FHOD3: variants seen among roughly 807,000 people sequenced by gnomAD.
FHOD3 encodes the protein FH1/FH2 domain-containing protein 3.
FHOD3 carries 90 observed loss-of-function variants against 173.0 expected under a neutral mutation model. The ratio of observed to expected loss-of-function variants is 0.52; its 90% CI spans 0.44 to 0.62. FHOD3 has a LOEUF of 0.62. FHOD3 is among the 20% of genes least tolerant of loss of function. The pLI is 0.00. For synonymous variants in FHOD3, 828 were observed against 823.0 expected, an observed-to-expected ratio of 1.01 and a Z score of -0.10; for missense variants, 1,945 against 2,034.7, an observed-to-expected ratio of 0.96 and a Z score of 0.85.
intron 21 of FHOD3, among the ~76,000 whole-genome samples, chr18:36,742,356 C>T (rs1054736998): frequency 2.0e-4 from 30 of 152,192 alleles, no homozygotes; most frequent in African/African-American, 7.0e-4. Context: ...GCACAACTTT[C>T]ATTGCCAATC....
intron 1 of FHOD3, among the ~76,000 whole-genome samples, chr18:36,316,874 C>A (rs1472720606): frequency 6.6e-6 from 1 of 150,650 alleles, no homozygotes; most frequent in African/African-American, 2.5e-5. Flanking sequence ...CCTCCCACAG[C>A]CCCCCCACCC....
intron 14 of FHOD3, among the ~76,000 whole-genome samples, chr18:36,679,828 A>C (rs1265985977): frequency 2.6e-5 from 4 of 152,164 alleles, no homozygotes; most frequent in Non-Finnish European, 5.9e-5. Flanking sequence ...TAGTCCTTAT[A>C]TATTTGAAAG....
chr18:36,733,593 G>T (rs534935427), intron 20 of FHOD3, among the ~76,000 whole-genome samples: 5 of 152,154 alleles, frequency 3.3e-5, no homozygotes, highest in Admixed American at 3.3e-4. Context: ...GAAAGTTTCA[G>T]ATACAATAAG....
chr18:36,766,464 C>T (rs1173770095), intron 27 of FHOD3, among the ~76,000 whole-genome samples: 3 of 152,280 alleles, frequency 2.0e-5, no homozygotes, highest in African/African-American at 4.8e-5. Flanking sequence ...AAATGTCTTG[C>T]TAACACTTAC....
intron 1 of FHOD3, among the ~76,000 whole-genome samples, chr18:36,320,910 T>G (rs1456223070): frequency 6.6e-6 from 1 of 152,138 alleles, no homozygotes; most frequent in Admixed American, 6.6e-5. Context: ...GGAGCTTAGG[T>G]TGAAGTGGGA....
chr18:36,662,104 C>T (rs2036850356), intron 14 of FHOD3, among the ~76,000 whole-genome samples: 1 of 152,168 alleles, frequency 6.6e-6, no homozygotes, highest in East Asian at 1.9e-4. Flanking sequence ...AACAAACAAG[C>T]AAACAACCAC....
At chr18:36,638,486 G>A (rs2035047506) in intron 10 of FHOD3, among the ~76,000 whole-genome samples, 1 of 152,174 alleles carries the variant, frequency 6.6e-6, no homozygotes, top group South Asian at 2.1e-4. Flanking sequence ...CATTTGAAAA[G>A]CTGCCTATCT....
chr18:36,763,014 C>T (rs1053242318), intron 27 of FHOD3, among the ~76,000 whole-genome samples: 2 of 132,174 alleles, frequency 1.5e-5, no homozygotes, highest in East Asian at 2.0e-4. Context: ...GTTATATATG[C>T]GTATTATACA....
At chr18:36,679,288 G>C (rs1038773180) in intron 14 of FHOD3, among the ~76,000 whole-genome samples, 17 of 151,782 alleles carry the variant, frequency 1.1e-4, no homozygotes, top group African/African-American at 4.1e-4. Flanking sequence ...GCTCATTTAT[G>C]GCCCTTTTTC....
intron 21 of FHOD3, 31 bp from the exon 22 acceptor site, chr18:36,742,706 C>G (rs778129408): frequency 1.3e-6 from 2 of 1,599,340 alleles, no homozygotes; most frequent in Non-Finnish European, 1.7e-6. Context: ...ATTGTACACT[C>G]TTTATTGTCT....
intron 1 of FHOD3, among the ~76,000 whole-genome samples, chr18:36,315,427 T>C (rs1321678456): frequency 1.3e-5 from 2 of 152,122 alleles, no homozygotes; most frequent in South Asian, 4.1e-4. Context: ...CCCTCTGATA[T>C]GACACCCTCA....
At chr18:36,554,745 T>C in intron 5 of FHOD3, among the ~76,000 whole-genome samples, 1 of 152,354 alleles carries the variant, frequency 6.6e-6, no homozygotes, top group Middle Eastern at 3.4e-3. Context: ...AACTGCAAAT[T>C]CTATTTCTTT....
At chr18:36,740,872 C>A in intron 21 of FHOD3, 34 bp downstream of exon 21, 1 of 1,585,924 alleles carries the variant, frequency 6.3e-7, no homozygotes, top group Non-Finnish European at 8.6e-7. Flanking sequence ...GCTGATCCCA[C>A]ATCCACAGTG....
chr18:36,448,000 A>G (rs1042136436), intron 3 of FHOD3, among the ~76,000 whole-genome samples: 2 of 152,204 alleles, frequency 1.3e-5, no homozygotes, highest in Admixed American at 6.5e-5. Flanking sequence ...TGGACTTTTG[A>G]ACAATGTGAA....
intron 27 of FHOD3, 51 bp downstream of exon 27, chr18:36,760,833 T>TG (rs769508131): frequency 4.8e-5 from 73 of 1,532,330 alleles, no homozygotes; most frequent in Admixed American, 2.4e-4. Flanking sequence ...TTGGCCGCTC[T>TG]GGGGGGGTCC....
At chr18:36,532,214 T>C (rs906193126) in intron 5 of FHOD3, among the ~76,000 whole-genome samples, 1 of 152,188 alleles carries the variant, frequency 6.6e-6, no homozygotes, top group Admixed American at 6.5e-5. Flanking sequence ...AGACTTGGAG[T>C]ACACCAAGAA....
intron 19 of FHOD3, among the ~76,000 whole-genome samples, chr18:36,725,534 C>T (rs1206013527): frequency 1.3e-5 from 2 of 152,260 alleles, no homozygotes; most frequent in East Asian, 1.9e-4. Context: ...CATCATGGAC[C>T]GTCACTGAGA....
chr18:36,545,655 T>A lies in FHOD3; in HGVS notation c.512-30796T>A, dbSNP rs532347345. 6.6e-5 allele frequency among the ~76,000 whole-genome samples: 10 copies of A among 152,316 alleles called. No individual in the cohort carries two copies. In the East Asian group the frequency reaches 1.9e-3, roughly 29 times the overall value. On this transcript the variant is annotated intron_variant, in intron 5 of 28. Coordinates refer to ENST00000590592, the MANE Select transcript of FHOD3 (RefSeq NM_001281740.3). ...GAAAGTGCATTTTCCTCAGCATGGA[T>A]TATGCTTTATCTCTGTCTGTGAAAA... is the stretch of plus-strand genomic sequence containing the variant.
chr18:36,512,014 A>T (rs779120504), intron 4 of FHOD3, among the ~76,000 whole-genome samples: 2 of 152,196 alleles, frequency 1.3e-5, no homozygotes, highest in Non-Finnish European at 2.9e-5. Flanking sequence ...TATCTTTGGA[A>T]CACATTAGTG....
Sources: allele counts gnomAD v4.1 joint callset (sites outside exome capture counted in the v4.1 genomes callset), GRCh38; gene constraint gnomAD v4.1.1; transcripts MANE v1.5; gene names NCBI Gene and HGNC (gene_info 2026-07-23, HGNC 2026-07-21).